Variants in PDE1C observed in about 807,000 individuals in gnomAD.
PDE1C encodes the protein phosphodiesterase 1C.
Under a neutral mutation model 93.1 loss-of-function variants are expected in PDE1C, and 62 were observed. That is an observed-to-expected ratio of 0.67 (90% CI 0.54 to 0.82). PDE1C has a LOEUF of 0.82. PDE1C is among the 40% of genes least tolerant of loss of function. The probability of loss-of-function intolerance (pLI) is 0.00; values close to 1 mark genes in which losing one functional copy is unlikely to be tolerated. For synonymous variants in PDE1C, 325 were observed against 310.1 expected (o/e 1.05, Z -0.50); for missense variants, 742 against 884.6 (o/e 0.84, Z 2.04).
intron 2 of PDE1C, among the ~76,000 whole-genome samples, chr7:31,943,984 C>T (rs953757453): frequency 4.1e-4 from 62 of 152,266 alleles, no homozygotes; most frequent in African/African-American, 1.4e-3. Flanking sequence ...TCACAAGTGA[C>T]TTCAATCCCA....
chr7:32,284,765 G>A (rs954167006), intron 1 of PDE1C, among the ~76,000 whole-genome samples: 1 of 152,176 alleles, frequency 6.6e-6, no homozygotes, highest in Non-Finnish European at 1.5e-5. Context: ...GGGCACAGTG[G>A]CTCACGCCTG....
chr7:32,168,418 T>A (rs193089040), intron 3 of PDE1C, among the ~76,000 whole-genome samples: 1 of 152,132 alleles, frequency 6.6e-6, no homozygotes, highest in African/African-American at 2.4e-5. Context: ...TTCATGAGAG[T>A]AACTCTTTGC....
At chr7:32,049,766 G>A (rs30583) in intron 2 of PDE1C, among the ~76,000 whole-genome samples, 6 of 151,972 alleles carry the variant, frequency 3.9e-5, no homozygotes, top group African/African-American at 1.5e-4. Flanking sequence ...GATACAGGCC[G>A]TCTAGATTGA....
At chr7:31,886,729 ACT>A (rs1183144789) in intron 2 of PDE1C, among the ~76,000 whole-genome samples, 1 of 37,384 alleles carries the variant, frequency 2.7e-5, no homozygotes, top group Non-Finnish European at 5.4e-5. Context: ...GAAACGGCAG[ACT>A]CTGCATGGAG....
intron 2 of PDE1C, among the ~76,000 whole-genome samples, chr7:31,963,798 TA>T (rs768422027): frequency 7.9e-5 from 12 of 152,310 alleles, no homozygotes; most frequent in Non-Finnish European, 1.6e-4. Context: ...TGAATTAGGC[TA>T]GAGAGGGTTA....
intron 2 of PDE1C, among the ~76,000 whole-genome samples, chr7:32,014,958 G>A (rs558675256): frequency 6.6e-6 from 1 of 152,212 alleles, no homozygotes; most frequent in South Asian, 2.1e-4. Flanking sequence ...GAGACCAGGT[G>A]GAGGTAATTG....
chr7:31,957,551 A>G (rs1176585407), intron 2 of PDE1C, among the ~76,000 whole-genome samples: 1 of 152,196 alleles, frequency 6.6e-6, no homozygotes, highest in East Asian at 1.9e-4. Flanking sequence ...CTGTGTCATC[A>G]CTGGCAAACT....
intron 2 of PDE1C, among the ~76,000 whole-genome samples, chr7:31,988,638 G>T (rs1158131208): frequency 6.6e-6 from 1 of 152,102 alleles, no homozygotes; most frequent in East Asian, 1.9e-4. Context: ...AGAGAATCAG[G>T]CTTGAGCCCA....
At chr7:31,827,436 A>C (rs1035028) in intron 12 of PDE1C, among the ~76,000 whole-genome samples, 29,911 of 152,120 alleles carry the variant, frequency 0.2, 3,074 homozygotes, top group Middle Eastern at 0.36. Flanking sequence ...TGGCATTATA[A>C]CATTCTAATA....
At chr7:32,150,494 C>T (rs1414362520) in intron 3 of PDE1C, among the ~76,000 whole-genome samples, 2 of 152,136 alleles carry the variant, frequency 1.3e-5, no homozygotes, top group African/African-American at 4.8e-5. Flanking sequence ...TCCAAGATGA[C>T]AGAATCTCAC....
At chr7:32,382,145 A>G (rs920647165) in intron 1 of PDE1C, among the ~76,000 whole-genome samples, 1 of 152,154 alleles carries the variant, frequency 6.6e-6, no homozygotes, top group East Asian at 1.9e-4. Context: ...AGCATGGCCC[A>G]GCACCTGCTC....
intron 2 of PDE1C, among the ~76,000 whole-genome samples, chr7:32,024,701 C>T (rs1481829799): frequency 6.6e-6 from 1 of 152,138 alleles, no homozygotes; most frequent in Non-Finnish European, 1.5e-5. Context: ...GAACCACTGA[C>T]ACACAGTTCT....
intron 16 of PDE1C, among the ~76,000 whole-genome samples, chr7:31,797,646 C>T (rs933583695): frequency 3.3e-5 from 5 of 151,668 alleles, no homozygotes; most frequent in Non-Finnish European, 5.9e-5. Flanking sequence ...ATTCACATTC[C>T]TTGGCCTATT....
intron 1 of PDE1C, among the ~76,000 whole-genome samples, chr7:32,066,194 T>C (rs1403216604): frequency 6.6e-6 from 1 of 152,206 alleles, no homozygotes; most frequent in Non-Finnish European, 1.5e-5. Flanking sequence ...AAACCAACTT[T>C]TATTACCTGG....
chr7:31,669,780 C>A, the PDE1C span, among the ~76,000 whole-genome samples: 1 of 152,210 alleles, frequency 6.6e-6, no homozygotes, highest in Non-Finnish European at 1.5e-5. Flanking sequence ...CTTTTCAACA[C>A]AATTTTCAAT....
intron 14 of PDE1C, among the ~76,000 whole-genome samples, chr7:31,822,195 G>A (rs1318986445): frequency 6.6e-6 from 1 of 151,964 alleles, no homozygotes; most frequent in East Asian, 1.9e-4. Context: ...CACACAGTAG[G>A]CATGCAATAG....
the PDE1C span, among the ~76,000 whole-genome samples, chr7:31,718,322 GAC>G: frequency 3.9e-5 from 6 of 152,034 alleles, no homozygotes; most frequent in Admixed American, 3.9e-4. Context: ...TGATGGGAGA[GAC>G]AGAGAACCTC....
chr7:32,138,767 T>G (rs1185354314), intron 3 of PDE1C, among the ~76,000 whole-genome samples: 1 of 152,232 alleles, frequency 6.6e-6, no homozygotes, highest in East Asian at 1.9e-4. Context: ...TAACTTACAG[T>G]GAAATTTTCT....
chr7:31,673,635 T>A, the PDE1C span, among the ~76,000 whole-genome samples: 5 of 152,140 alleles, frequency 3.3e-5, no homozygotes, highest in Non-Finnish European at 7.3e-5. Context: ...CTTGTGGTAA[T>A]TTTATGGTGC....
Sources: allele counts gnomAD v4.1 joint callset (sites outside exome capture counted in the v4.1 genomes callset), GRCh38; gene constraint gnomAD v4.1.1; transcripts MANE v1.5; gene names NCBI Gene and HGNC (gene_info 2026-07-23, HGNC 2026-07-21).